MED13L: variants seen among roughly 807,000 people sequenced by gnomAD.
The protein encoded by MED13L is mediator of RNA polymerase II transcription subunit 13-like.
A neutral mutation model predicts 220.9 loss-of-function variants in MED13L; 7 were observed. The ratio of observed to expected loss-of-function variants is 0.03; its 90% CI spans 0.02 to 0.06. The LOEUF is 0.06. Among genes scored for constraint, MED13L ranks in the 10% least tolerant of loss-of-function variants. The pLI is 1.00. For synonymous variants in MED13L, 1,011 were observed against 1,015.2 expected, an observed-to-expected ratio of 1.00 and a Z score of 0.08; for missense variants, 1,965 against 2,760.5, an observed-to-expected ratio of 0.71 and a Z score of 6.46.
intron 1 of MED13L, among the ~76,000 whole-genome samples, chr12:116,251,542 G>A (rs918277052): frequency 4.7e-5 from 7 of 148,802 alleles, no homozygotes; most frequent in Non-Finnish European, 1.0e-4. Flanking sequence ...GGCATATCAC[G>A]AGGTCAGGAG....
In MED13L at chr12:115,991,420, G is replaced by A. The variant is rs781378515; in HGVS notation, c.3534C>T (p.Leu1178=). 1.2e-6 allele frequency: 2 copies of A among 1,613,976 alleles called. No homozygotes were observed. Among genetic ancestry groups the A allele is most frequent in the African/African-American group, 2.7e-5 (2 of 74,886 alleles). The change falls in exon 17 of 31, where the codon CTC becomes CTT. Residue 1178 remains leucine (L), a synonymous_variant. Coordinates refer to ENST00000281928, the MANE Select transcript of MED13L (RefSeq NM_015335.5). This position sits in a 1 kb window ranked among gnomAD's most constrained non-coding sequence, Gnocchi z 7.7. ...AAATATCCAACTCATCTTCAAGGAA[G>A]AGTCCTGAATTGTAGCCAAGTTTGC... ...MNRKLGYNSG[L]FLEDELDIFG...
chr12:116,119,513 T>C (rs1406011794), intron 2 of MED13L, among the ~76,000 whole-genome samples: 1 of 152,110 alleles, frequency 6.6e-6, no homozygotes, highest in Non-Finnish European at 1.5e-5. Context: ...ATGAATACAG[T>C]TGATTCTAAT....
intron 4 of MED13L, among the ~76,000 whole-genome samples, chr12:116,041,760 G>A (rs1170725086): frequency 6.6e-6 from 1 of 152,148 alleles, no homozygotes; most frequent in Non-Finnish European, 1.5e-5. Flanking sequence ...GCCTGAACCC[G>A]AGAGCCGGAG....
intron 2 of MED13L, among the ~76,000 whole-genome samples, chr12:116,175,165 T>C (rs934423537): frequency 9.9e-5 from 15 of 152,274 alleles, no homozygotes; most frequent in African/African-American, 3.1e-4. Context: ...TAAGACTCCA[T>C]AGAGTTTATA....
At chr12:116,144,940 C>T (rs749873781) in intron 2 of MED13L, among the ~76,000 whole-genome samples, 10 of 152,238 alleles carry the variant, frequency 6.6e-5, no homozygotes, top group Non-Finnish European at 1.0e-4. Context: ...GGTTGCTCCA[C>T]TTAATTCATC....
intron 4 of MED13L, among the ~76,000 whole-genome samples, chr12:116,068,334 G>A (rs1047762012): frequency 6.6e-6 from 1 of 152,158 alleles, no homozygotes; most frequent in Non-Finnish European, 1.5e-5. Context: ...TTCTTAATAA[G>A]AGCTTTTAAA....
At chr12:116,250,634 G>A (rs890594897) in intron 1 of MED13L, among the ~76,000 whole-genome samples, 19 of 150,012 alleles carry the variant, frequency 1.3e-4, no homozygotes, top group South Asian at 2.1e-4. Context: ...AAAATTAGCC[G>A]GGAGTGGTGG....
intron 3 of MED13L, among the ~76,000 whole-genome samples, chr12:116,104,287 G>A (rs970772145): frequency 3.9e-5 from 6 of 152,018 alleles, no homozygotes; most frequent in Middle Eastern, 3.2e-3. Flanking sequence ...TGGGACTACA[G>A]GTGTGAGCCA....
chr12:116,198,616 T>C (rs940382433), intron 2 of MED13L, among the ~76,000 whole-genome samples: 1 of 152,224 alleles, frequency 6.6e-6, no homozygotes, highest in African/African-American at 2.4e-5. Flanking sequence ...CACTGCATCC[T>C]GACTATCAGT....
chr12:116,138,387 A>AAC (rs1195573902), intron 2 of MED13L, among the ~76,000 whole-genome samples: 79 of 152,322 alleles, frequency 5.2e-4, no homozygotes, highest in African/African-American at 1.9e-3. Flanking sequence ...GAAGGGTGGT[A>AAC]ACAACATTGA....
intron 1 of MED13L, 129 bp downstream of exon 1, chr12:116,276,931 G>T: frequency 9.2e-7 from 1 of 1,092,024 alleles, no homozygotes; most frequent in Non-Finnish European, 1.4e-6. Flanking sequence ...TCGGCGAGAG[G>T]CGAACGGCGG....
At chr12:116,102,703 CTTTTTTCTTTTTT>C (rs1873180218) in intron 3 of MED13L, among the ~76,000 whole-genome samples, 4 of 63,204 alleles carry the variant, frequency 6.3e-5, no homozygotes, top group Non-Finnish European at 1.0e-4. Context: ...TTTTCTTTTT[CTTTTTTCTTTTTT>C]TTTTTTTTTT....
At chr12:115,990,659 G>A (rs1458954473) in intron 17 of MED13L, among the ~76,000 whole-genome samples, 1 of 152,196 alleles carries the variant, frequency 6.6e-6, no homozygotes, top group East Asian at 1.9e-4. Context: ...AGGTTCCTTG[G>A]AAACTTGATC....
chr12:116,208,854 A>G (rs1335125364), intron 2 of MED13L, among the ~76,000 whole-genome samples: 2 of 152,156 alleles, frequency 1.3e-5, no homozygotes, highest in Admixed American at 1.3e-4. Flanking sequence ...CCTGTGGTCT[A>G]GCTACTTCGG....
At chr12:116,064,336 C>G (rs1208726388) in intron 4 of MED13L, among the ~76,000 whole-genome samples, 1 of 152,124 alleles carries the variant, frequency 6.6e-6, no homozygotes, top group East Asian at 1.9e-4. Context: ...AGAAAAAAGT[C>G]TGTACATACT....
At chr12:116,111,692 C>T (rs1467132827) in intron 2 of MED13L, among the ~76,000 whole-genome samples, 180 bp from the exon 3 acceptor site, 1 of 151,980 alleles carries the variant, frequency 6.6e-6, no homozygotes, top group Non-Finnish European at 1.5e-5. Flanking sequence ...AAAATACTTA[C>T]GTACAAAAAA....
At chr12:116,185,045 C>T (rs1053761691) in intron 2 of MED13L, among the ~76,000 whole-genome samples, 10 of 152,184 alleles carry the variant, frequency 6.6e-5, no homozygotes, top group Admixed American at 6.5e-4. Context: ...TTGTTTCATA[C>T]AGCAACAGAC....
intron 16 of MED13L, among the ~76,000 whole-genome samples, chr12:115,992,609 C>T (rs1487923647): frequency 6.6e-6 from 1 of 152,192 alleles, no homozygotes; most frequent in Non-Finnish European, 1.5e-5. Context: ...CAGTACTATA[C>T]TACAACTGAT....
chr12:116,138,437 G>A (rs747274186), intron 2 of MED13L, among the ~76,000 whole-genome samples: 1 of 152,170 alleles, frequency 6.6e-6, no homozygotes, highest in African/African-American at 2.4e-5. Context: ...CCTCTTGGGT[G>A]GTCCCTGGAA....
Sources: gnomAD v4.1 joint callset for allele counts (sites outside exome capture counted in the v4.1 genomes callset) on GRCh38, gnomAD v4.1.1 for gene constraint, Gnocchi (gnomAD v3.1) non-coding constraint, MANE v1.5 for transcripts, NCBI Gene and HGNC (gene_info 2026-07-23, HGNC 2026-07-21) for gene names.